BCR: variants seen among roughly 807,000 people sequenced by gnomAD.
BCR encodes the protein BCR activator of RhoGEF and GTPase.
Under a neutral mutation model 138.6 loss-of-function variants are expected in BCR, and 58 were observed. The observed-to-expected ratio is 0.42, with a 90% CI of 0.34 to 0.52. The LOEUF is 0.52. Among genes scored for constraint, BCR ranks in the 20% least tolerant of loss-of-function variants. The pLI is 0.06. For synonymous variants in BCR, 786 were observed against 730.1 expected, an observed-to-expected ratio of 1.08 and a Z score of -1.23; for missense variants, 1,599 against 1,727.2, an observed-to-expected ratio of 0.93 and a Z score of 1.32.
chr22:23,221,716 G>A (rs1047927399), intron 1 of BCR, among the ~76,000 whole-genome samples: 4 of 152,142 alleles, frequency 2.6e-5, no homozygotes, highest in Non-Finnish European at 5.9e-5. Context: ...TTGTTTTCCC[G>A]CCAGGCTCAC....
At chr22:23,212,398 G>T (rs2146221351) in intron 1 of BCR, among the ~76,000 whole-genome samples, 1 of 152,308 alleles carries the variant, frequency 6.6e-6, no homozygotes, top group South Asian at 2.1e-4. Context: ...AACTGCTGTG[G>T]TATTTGGAGT....
At chr22:23,269,895 G>A (rs574993514) in intron 5 of BCR, among the ~76,000 whole-genome samples, 70 of 152,254 alleles carry the variant, frequency 4.6e-4, no homozygotes, top group African/African-American at 1.5e-3. Flanking sequence ...AACACCATGG[G>A]ACGCCACCTG....
In BCR at chr22:23,312,770, A is replaced by T. The variant is rs868555992; in HGVS notation, c.3323-117A>T. Reference sequence around the variant, plus strand: ...GAGTCAGATGAGCTGCTCAAAGCCCAGGAGGGACCCGCACAGTGGTCAGCA... The same window carrying T: ...GAGTCAGATGAGCTGCTCAAAGCCCTGGAGGGACCCGCACAGTGGTCAGCA... On this transcript the variant is annotated intron_variant, in intron 19 of 22. Coordinates refer to ENST00000305877, the MANE Select transcript of BCR (RefSeq NM_004327.4). 9 of 1,184,428 alleles carry T rather than the reference A, an allele frequency of 7.6e-6. No individual in the cohort carries two copies. The Middle Eastern group carries it at 8.4e-4, about 111-fold the overall frequency. The allele number at this position is 1,184,428 out of a possible 1,614,324, so 73.4% of individuals were successfully genotyped here.
chr22:23,283,593 C>T (rs1335186936), intron 8 of BCR: 4 of 169,062 alleles, frequency 2.4e-5, no homozygotes, highest in East Asian at 1.7e-4. Flanking sequence ...CAGAGAGGCA[C>T]TGGCTTCCCT....
Position 23,309,432 on chromosome 22 carries a change from G to A in BCR, c.3021G>A (p.Pro1007=), listed in dbSNP as rs11558694. ...LMGKGQVQLD[P]QALQDRDWQR... is the part of the protein sequence containing the mutation. ...TGACTCCTTCCTTTCAGCTGGACCC[G>A]CAGGCCCTGCAGGACAGAGACTGGC... Residue 1007 remains proline (P), a synonymous_variant, in exon 17 of 23, where the codon CCG becomes CCA. Transcript: ENST00000305877. 5,831 of 1,588,124 alleles carry A rather than the reference G, an allele frequency of 3.7e-3. 22 individuals are homozygous for A. The highest frequency in any genetic ancestry group is 4.3e-3 in the Non-Finnish European group (5,009 of 1,164,512).
intron 16 of BCR, among the ~76,000 whole-genome samples, chr22:23,300,655 G>A (rs768662683): frequency 3.5e-4 from 54 of 152,146 alleles, no homozygotes; most frequent in Non-Finnish European, 1.5e-4. Flanking sequence ...TGCGTGGTGG[G>A]GACTTGAGAG....
intron 4 of BCR, chr22:23,262,649 C>A: frequency 2.2e-6 from 1 of 459,094 alleles, no homozygotes; most frequent in Non-Finnish European, 2.9e-6. Context: ...CCCGCAGCTG[C>A]TCTTGGGCAG....
chr22:23,315,287 C>T (rs1315406596), intron 22 of BCR, 146 bp from the exon 23 acceptor site: 3 of 698,166 alleles, frequency 4.3e-6, no homozygotes, highest in East Asian at 5.5e-5. Flanking sequence ...CCACCCCACC[C>T]CCATCTCACT....
intron 1 of BCR, among the ~76,000 whole-genome samples, chr22:23,219,287 C>T (rs1384847839): frequency 6.6e-6 from 1 of 152,224 alleles, no homozygotes; most frequent in Non-Finnish European, 1.5e-5. Flanking sequence ...ACCAAAGACA[C>T]TTGAATGGGC....
At chr22:23,298,265 TC>T (rs1403551892) in intron 16 of BCR, among the ~76,000 whole-genome samples, 2 of 151,928 alleles carry the variant, frequency 1.3e-5, no homozygotes, top group African/African-American at 4.8e-5. Context: ...GTGATCGATC[TC>T]CCCCGGGGGA....
At chr22:23,263,683 A>G in intron 4 of BCR, 1 of 1,417,302 alleles carries the variant, frequency 7.1e-7, no homozygotes, top group Non-Finnish European at 1.0e-6. Flanking sequence ...CCTTGGTAAG[A>G]TTCACAGCAC....
rs6003585 is a variant in BCR at position 23,246,311 on chromosome 22, T to C, written c.1280-7488T>C. ...AGCTGGACATAATGGCACACACCTGTAATGCCAGTTACTTAGGGGGCTCAG... is the reference window on the plus strand; with the variant it reads ...AGCTGGACATAATGGCACACACCTGCAATGCCAGTTACTTAGGGGGCTCAG... On this transcript the variant is annotated intron_variant, in intron 1 of 22. Coordinates refer to ENST00000305877, the MANE Select transcript of BCR (RefSeq NM_004327.4). Among the ~76,000 whole-genome samples the C allele has an allele frequency of 1.3e-3, 199 of 152,258 alleles. 1 individual carries two copies. Among genetic ancestry groups the C allele is most frequent in the African/African-American group, 4.6e-3 (190 of 41,532 alleles).
chr22:23,181,258 GCGCCCGCCGACGGAGCCGACCCGC>G lies in BCR; in HGVS notation c.309_332del (p.Asp103_Ala110del), dbSNP rs1220181344. The G allele has an allele frequency of 1.6e-6, 2 of 1,249,206 alleles. No individual in the cohort carries two copies. Among genetic ancestry groups the G allele is most frequent in the African/African-American group, 1.6e-5 (1 of 63,202 alleles). 77.4% of individuals were successfully genotyped at this position (1,249,206 alleles called of 1,614,324 possible). On this transcript the variant is annotated inframe_deletion, in exon 1 of 23. Transcript: ENST00000305877. ...AGCGTCCGCGTCGCGCCCGCAGCCAGCGCCCGCCGACGGAGCCGACCCGCCGCCCGCCGAGGAGCCCGAGGCCCG... is the reference window on the plus strand; with the variant it reads ...AGCGTCCGCGTCGCGCCCGCAGCCAGCGCCCGCCGAGGAGCCCGAGGCCCG...
chr22:23,238,305 TC>T (rs2073048338), intron 1 of BCR, among the ~76,000 whole-genome samples: 1 of 152,090 alleles, frequency 6.6e-6, no homozygotes, highest in East Asian at 1.9e-4. Flanking sequence ...GGCCACATAA[TC>T]CATGTGCACA....
At chr22:23,289,761 G>A in intron 13 of BCR, 140 bp downstream of exon 13, 2 of 742,680 alleles carry the variant, frequency 2.7e-6, no homozygotes, top group South Asian at 1.7e-5. Flanking sequence ...GCTTGTTAGG[G>A]CCTCTTGTCT....
chr22:23,249,899 G>C (rs1217050046), intron 1 of BCR, among the ~76,000 whole-genome samples: 1 of 152,198 alleles, frequency 6.6e-6, no homozygotes, highest in African/African-American at 2.4e-5. Context: ...CCCAGACATT[G>C]ATTTGAGATC....
intron 1 of BCR, among the ~76,000 whole-genome samples, chr22:23,192,125 T>G (rs1460724163): frequency 2.0e-5 from 3 of 152,122 alleles, no homozygotes; most frequent in Non-Finnish European, 4.4e-5. Context: ...CCCACTGAAG[T>G]AGTAAATATG....
intron 1 of BCR, among the ~76,000 whole-genome samples, chr22:23,185,672 C>T (rs2072331875): frequency 6.7e-6 from 1 of 149,604 alleles, no homozygotes; most frequent in Admixed American, 6.6e-5. Flanking sequence ...TCTCAAAAAA[C>T]AAACAAAAAA....
Position 23,217,105 on chromosome 22 carries a change from G to A in BCR, c.1279+34866G>A, listed in dbSNP as rs1387057572. 6.9e-6 allele frequency: 3 copies of A among 431,900 alleles called. No homozygotes were observed. In the East Asian group the frequency reaches 2.3e-4, roughly 34 times the overall value. The allele number at this position is 431,900 out of a possible 1,614,324, so 26.8% of individuals were successfully genotyped here. A position where few individuals can be genotyped will look rare whatever the true frequency, so the allele number is the denominator to read the frequency against. On this transcript the variant is annotated intron_variant, in intron 1 of 22. Transcript: ENST00000305877. ...TGATTGCTCCCACCACAGGATTTTAGTTACACAGTCACAGGACAAGGACTG... is the reference window on the plus strand; with the variant it reads ...TGATTGCTCCCACCACAGGATTTTAATTACACAGTCACAGGACAAGGACTG...
Sources: allele counts gnomAD v4.1 joint callset (sites outside exome capture counted in the v4.1 genomes callset), GRCh38; gene constraint gnomAD v4.1.1; transcripts MANE v1.5; gene names NCBI Gene and HGNC (gene_info 2026-07-23, HGNC 2026-07-21).